Variants in PTPRC observed in about 807,000 individuals in gnomAD.
PTPRC encodes the protein receptor-type tyrosine-protein phosphatase C.
In PTPRC, 44 loss-of-function variants were observed where a neutral mutation model predicts 155.9. The ratio of observed to expected loss-of-function variants is 0.28; its 90% confidence interval spans 0.22 to 0.36. PTPRC has a LOEUF of 0.36. PTPRC is among the 10% of genes least tolerant of loss of function. PTPRC has a pLI of 1.00. For missense variants in PTPRC, 1,401 were observed against 1,564.6 expected (o/e 0.90, Z 1.76); for synonymous variants, 525 against 533.1 (o/e 0.98, Z 0.21).
At chr1:198,713,097 A>T in intron 12 of PTPRC, 25 bp downstream of exon 12, 1 of 1,612,506 alleles carries the variant, frequency 6.2e-7, no homozygotes, top group Non-Finnish European at 8.5e-7. Flanking sequence ...ATTTAATTTC[A>T]TCAGAAAAGA....
intron 29 of PTPRC, 75 bp downstream of exon 29, chr1:198,750,701 T>G (rs1342733708): frequency 6.5e-7 from 1 of 1,545,852 alleles, no homozygotes; most frequent in African/African-American, 1.4e-5. Context: ...ATTGCTTGCT[T>G]CATCGCCATA....
chr1:198,735,318 TA>T, intron 23 of PTPRC, 66 bp downstream of exon 23: 4 of 1,312,926 alleles, frequency 3.0e-6, no homozygotes, highest in Non-Finnish European at 4.2e-6. Context: ...TATGGAATAT[TA>T]AAAGTGAGAA....
rs150366095 is a variant in PTPRC, at chr1:198,716,769, A to G, written c.1379A>G (p.His460Arg). The change falls in exon 13 of 33, where the codon CAT becomes CGT. Residue 460 changes from histidine to arginine, a missense_variant. By Grantham distance (29) the His-to-Arg change is conservative. Transcript: ENST00000442510. ...TATACGAAATATGTTTTATCATTAC[A>G]TGCCTACATCATTGCAAAAGTGCAA... The part of the protein sequence containing the change: ...KPYTKYVLSL[H>R]AYIIAKVQRN... The G allele has an allele frequency of 3.0e-5, 49 of 1,613,478 alleles. 1 individual carries two copies. In the African/African-American group the frequency reaches 5.3e-4, roughly 18 times the overall value.
chr1:198,702,361 A>G, intron 5 of PTPRC, 26 bp from the exon 6 acceptor site: 1 of 1,614,204 alleles, frequency 6.2e-7, no homozygotes, highest in South Asian at 1.1e-5. Context: ...CACAAGTGAC[A>G]GTGCTGATGG....
chr1:198,735,182 A>G lies in PTPRC; in HGVS notation c.2333A>G (p.Asp778Gly). 1 of 1,604,428 alleles carries G rather than the reference A, an allele frequency of 6.2e-7. No homozygotes were observed. The highest frequency in any genetic ancestry group is 8.5e-7 in the Non-Finnish European group (1 of 1,173,996). The change falls in exon 23 of 33, where the codon GAT (aspartate) becomes GGT (glycine). Residue 778 changes from aspartate to glycine, a missense_variant. Physicochemically the swap from Asp to Gly is moderately conservative, Grantham distance 94 (BLOSUM62 -1). Transcript: ENST00000442510. Reference sequence around the variant, plus strand: ...GAAGAGGGCACTCGGGCTTTTGGAGATGTTGTTGTAAAGATCAACCAGCAC... The same window carrying G: ...GAAGAGGGCACTCGGGCTTTTGGAGGTGTTGTTGTAAAGATCAACCAGCAC... ...SMEEGTRAFG[D>G]VVVKINQHKR...
At chr1:198,678,669 C>T (rs1337763899) in intron 2 of PTPRC, among the ~76,000 whole-genome samples, 3 of 152,094 alleles carry the variant, frequency 2.0e-5, no homozygotes, top group Non-Finnish European at 2.9e-5. Context: ...TCTAGGTGAG[C>T]GACAGCACCA....
At chr1:198,702,281 T>A in intron 5 of PTPRC, 106 bp from the exon 6 acceptor site, 1 of 1,432,328 alleles carries the variant, frequency 7.0e-7, no homozygotes, top group Non-Finnish European at 9.8e-7. Flanking sequence ...GCTTGAAGAT[T>A]TGTTTCTCTG....
intron 26 of PTPRC, among the ~76,000 whole-genome samples, chr1:198,745,703 C>CAGAT (rs1655108064): frequency 6.6e-6 from 1 of 151,670 alleles, no homozygotes; most frequent in Non-Finnish European, 1.5e-5. Context: ...GCTGTGTATG[C>CAGAT]AGATAGTTGA....
At chr1:198,706,664 T>C (rs1652989061) in intron 8 of PTPRC, 70 bp from the exon 9 acceptor site, 1 of 1,505,122 alleles carries the variant, frequency 6.6e-7, no homozygotes, top group South Asian at 1.2e-5. Flanking sequence ...GATTTGATAT[T>C]TTGGCATTTG....
chr1:198,702,394 A>G lies in PTPRC; in HGVS notation c.447A>G (p.Pro149=). Residue 149 remains proline (P), a synonymous_variant, in exon 6 of 33, where the codon CCA becomes CCG. Coordinates refer to ENST00000442510, the MANE Select transcript of PTPRC (RefSeq NM_002838.5). ...TPGSNAISDV[P]GERSTASTFP... The stretch of plus-strand genomic sequence containing the variant: ...TGGCCCTTCTGATTGCAGATGTCCC[A>G]GGAGAGAGGAGTACAGCCAGCACCT... 6.2e-7 allele frequency: 1 copy of G among 1,614,160 alleles called. No homozygotes were observed. The highest frequency in any genetic ancestry group is 8.5e-7 in the Non-Finnish European group (1 of 1,180,028).
Position 198,716,747 on chromosome 1 carries a change from A to G in PTPRC, c.1357A>G (p.Thr453Ala). 6.2e-7 allele frequency: 1 copy of G among 1,612,758 alleles called. No individual in the cohort carries two copies. The highest frequency in any genetic ancestry group is 1.1e-5 in the South Asian group (1 of 91,020). Residue 453 changes from threonine to alanine, a missense_variant, in exon 13 of 33, where the codon ACG becomes GCG. Transcript: ENST00000442510. ...TGATTTGCAAAATTTAAAACCTTAT[A>G]CGAAATATGTTTTATCATTACATGC... is the stretch of plus-strand genomic sequence containing the variant. ...KYDLQNLKPY[T>A]KYVLSLHAYI...
intron 26 of PTPRC, among the ~76,000 whole-genome samples, chr1:198,744,638 G>A (rs1405204384): frequency 6.6e-6 from 1 of 151,880 alleles, no homozygotes; most frequent in Non-Finnish European, 1.5e-5. Context: ...CACAGTAAAG[G>A]ATAAGTACAT....
At chr1:198,640,952 TG>T (rs1414730398) in intron 2 of PTPRC, among the ~76,000 whole-genome samples, 23 of 152,120 alleles carry the variant, frequency 1.5e-4, no homozygotes, top group Non-Finnish European at 2.4e-4. Context: ...TATTACAGGA[TG>T]TTTTTTTAAC....
chr1:198,639,175 GT>G lies in PTPRC; in HGVS notation c.-44+43del. 3 of 1,026,910 alleles carry G rather than the reference GT, an allele frequency of 2.9e-6. No individual in the cohort carries two copies. In the South Asian group the frequency reaches 3.8e-5, roughly 13 times the overall value. The allele number at this position is 1,026,910 out of a possible 1,614,324, so 63.6% of individuals were successfully genotyped here. On this transcript the variant is annotated intron_variant, in intron 1 of 32. Coordinates refer to ENST00000442510, the MANE Select transcript of PTPRC (RefSeq NM_002838.5). ...TTATTTACTTTTACATTTTTGATTC[GT>G]TTTTACAGAGAAAAACTTCTACAGA... is the stretch of plus-strand genomic sequence containing the variant.
chr1:198,698,060 C>A (rs1219182166), intron 4 of PTPRC, among the ~76,000 whole-genome samples: 2 of 152,148 alleles, frequency 1.3e-5, no homozygotes, highest in Non-Finnish European at 2.9e-5. Context: ...GGTGGAACAT[C>A]TCATGCTATT....
chr1:198,675,112 G>T (rs548556708), intron 2 of PTPRC, among the ~76,000 whole-genome samples: 1 of 151,952 alleles, frequency 6.6e-6, no homozygotes, highest in Non-Finnish European at 1.5e-5. Context: ...AATAGCATGT[G>T]AATTTCACCT....
rs115770581 is a variant in PTPRC, at chr1:198,650,535, G to T, written c.73+11194G>T. Among the ~76,000 whole-genome samples the T allele has an allele frequency of 5.0e-3, 765 of 151,952 alleles. 2 individuals carry two copies. The highest frequency in any genetic ancestry group is 8.9e-3 in the Non-Finnish European group (602 of 67,862). On this transcript the variant is annotated intron_variant, in intron 2 of 32. Transcript: ENST00000442510. ...TTTTTCCCCATGAGCACTGGGATGG[G>T]AAAGAGCCAAATTAGGGGGTCAGAA...
rs1654236128 is a variant in PTPRC, at chr1:198,728,337, T to C, written c.1721-3T>C. The C allele has an allele frequency of 6.2e-7, 1 of 1,609,532 alleles. No individual in the cohort carries two copies. The highest frequency in any genetic ancestry group is 8.5e-7 in the Non-Finnish European group (1 of 1,176,832). On this transcript the variant is annotated splice_polypyrimidine_tract_variant and splice_region_variant and intron_variant, in intron 15 of 32. Coordinates refer to ENST00000442510, the MANE Select transcript of PTPRC (RefSeq NM_002838.5). ...CTCTGAATGTATTATTTTTCATTTC[T>C]AGATAATTCTAAGGCACTGATAGCA...
intron 2 of PTPRC, among the ~76,000 whole-genome samples, chr1:198,670,452 A>G (rs1278106245): frequency 6.6e-6 from 1 of 152,156 alleles, no homozygotes; most frequent in East Asian, 1.9e-4. Context: ...ACACATTAAT[A>G]ACTTACACAA....
Sources: allele counts gnomAD v4.1 joint callset (sites outside exome capture counted in the v4.1 genomes callset), GRCh38; gene constraint gnomAD v4.1.1; transcripts MANE v1.5; gene names NCBI Gene and HGNC (gene_info 2026-07-23, HGNC 2026-07-21).